Variants in CNGA1 observed in about 807,000 individuals in gnomAD.
The protein encoded by CNGA1 is cyclic nucleotide-gated channel alpha-1.
A neutral mutation model predicts 69.7 loss-of-function variants in CNGA1; 53 were observed. The observed-to-expected ratio is 0.76, with a 90% CI of 0.61 to 0.96. CNGA1 has a LOEUF of 0.96. Among genes scored for constraint, CNGA1 ranks in the 40% least tolerant of loss-of-function variants. The pLI, the probability that CNGA1 is intolerant of heterozygous loss-of-function variation, is 0.00. For missense variants in CNGA1, 739 were observed against 811.2 expected (o/e 0.91, Z 1.08); for synonymous variants, 249 against 283.5 (o/e 0.88, Z 1.22).
At chr4:47,946,140 A>G (rs112611723) in intron 6 of CNGA1, among the ~76,000 whole-genome samples, 6 of 152,290 alleles carry the variant, frequency 3.9e-5, no homozygotes, top group African/African-American at 1.4e-4. Context: ...GGAGAAAAAG[A>G]AATGCCATCC....
At chr4:47,985,011 G>A (rs1741922160) in intron 2 of CNGA1, among the ~76,000 whole-genome samples, 1 of 152,106 alleles carries the variant, frequency 6.6e-6, no homozygotes, top group Non-Finnish European at 1.5e-5. Flanking sequence ...GTAGTCCCAG[G>A]ACTGAGTTTG....
intron 2 of CNGA1, among the ~76,000 whole-genome samples, chr4:47,991,301 C>T (rs1045674581): frequency 3.3e-5 from 5 of 152,216 alleles, no homozygotes; most frequent in South Asian, 2.1e-4. Flanking sequence ...CCCTCTTCAC[C>T]GCATCCATGC....
intron 3 of CNGA1, among the ~76,000 whole-genome samples, chr4:47,970,625 C>T (rs573142447): frequency 1.3e-5 from 2 of 149,398 alleles, no homozygotes; most frequent in Admixed American, 1.4e-4. Context: ...GCATTCCAGC[C>T]TGGGCAACAA....
Position 48,012,558 on chromosome 4 carries a change from C to CTTTTT in CNGA1, c.-222-1670_-222-1666dup, listed in dbSNP as rs528643370. 3.3e-3 allele frequency among the ~76,000 whole-genome samples: 215 copies of CTTTTT among 64,988 alleles called. 6 individuals carry two copies. The highest frequency in any genetic ancestry group is 4.6e-3 in the African/African-American group (70 of 15,102). 42.6% of individuals were successfully genotyped at this position (64,988 alleles called of 152,430 possible). A position where few individuals can be genotyped will look rare whatever the true frequency, so the allele number is the denominator to read the frequency against. The stretch of plus-strand genomic sequence containing the variant: ...GCCATTTTCCTCCCCACCACACCAT[C>CTTTTT]TTTTTTTTTTTTTTTTTTTTTTTTT... On this transcript the variant is annotated intron_variant, in intron 1 of 10. Coordinates refer to ENST00000514170, the MANE Select transcript of CNGA1 (RefSeq NM_001379270.1).
At chr4:47,955,391 CA>C (rs2110167064) in intron 3 of CNGA1, among the ~76,000 whole-genome samples, 1 of 152,200 alleles carries the variant, frequency 6.6e-6, no homozygotes, top group South Asian at 2.1e-4. Flanking sequence ...CCATGTTGGT[CA>C]GGCTGGTCTC....
In CNGA1 at chr4:47,942,093, G is replaced by C. The variant is rs746399774; in HGVS notation, c.493C>G (p.Leu165Val). Reference sequence around the variant, plus strand: ...ATAACAGGTAATGTGATGCAAAACAGCCAGTTGTAATATGTGTTTCCCGAG... The same window carrying C: ...ATAACAGGTAATGTGATGCAAAACACCCAGTTGTAATATGTGTTTCCCGAG... The part of the protein sequence containing the change: ...DPSGNTYYNW[L>V]FCITLPVMYN... Residue 165 changes from leucine to valine, a missense_variant, in exon 9 of 11, where the codon CTG becomes GTG. Coordinates refer to ENST00000514170, the MANE Select transcript of CNGA1 (RefSeq NM_001379270.1). 2 of 1,613,662 alleles carry C rather than the reference G, an allele frequency of 1.2e-6. No homozygotes were observed. Among genetic ancestry groups the C allele is most frequent in the South Asian group, 2.2e-5 (2 of 91,068 alleles).
At chr4:47,997,059 G>GA (rs948673530) in intron 2 of CNGA1, among the ~76,000 whole-genome samples, 36 of 151,494 alleles carry the variant, frequency 2.4e-4, no homozygotes, top group African/African-American at 7.5e-4. Context: ...GATTCTGTCT[G>GA]AAAAAAAACA....
intron 1 of CNGA1, among the ~76,000 whole-genome samples, chr4:48,013,850 C>T (rs370375341): frequency 7.2e-5 from 11 of 152,256 alleles, no homozygotes; most frequent in African/African-American, 2.6e-4. Flanking sequence ...CAGCTACCAC[C>T]CCTCTTGTCT....
At chr4:47,948,716 C>T (rs185543619) in intron 6 of CNGA1, among the ~76,000 whole-genome samples, 2 of 152,174 alleles carry the variant, frequency 1.3e-5, no homozygotes, top group Non-Finnish European at 2.9e-5. Context: ...GATGTATTTG[C>T]ACCTAGGTGG....
intron 3 of CNGA1, among the ~76,000 whole-genome samples, chr4:47,980,740 C>G (rs1560303560): frequency 1.3e-5 from 2 of 152,138 alleles, no homozygotes; most frequent in Non-Finnish European, 2.9e-5. Context: ...TCCCAGAGTG[C>G]TGGGATTACA....
Position 47,951,448 on chromosome 4 carries a change from G to T in CNGA1, c.129C>A (p.Asp43Glu). Reference protein sequence around the residue: ...GACSSFSEDDDSASTSEESEN... With the variant: ...GACSSFSEDDESASTSEESEN... ...CTGATTCTTCAGATGTAGAGGCACTGTCATCATCCTCAGAAAAGGAGCTAC... is the reference window on the plus strand; with the variant it reads ...CTGATTCTTCAGATGTAGAGGCACTTTCATCATCCTCAGAAAAGGAGCTAC... The change falls in exon 5 of 11, where the codon GAC becomes GAA. Residue 43 changes from aspartate to glutamate, a missense_variant. Coordinates refer to ENST00000514170, the MANE Select transcript of CNGA1 (RefSeq NM_001379270.1). 1 of 1,612,804 alleles carries T rather than the reference G, an allele frequency of 6.2e-7. No individual in the cohort carries two copies. Among genetic ancestry groups the T allele is most frequent in the Non-Finnish European group, 8.5e-7 (1 of 1,178,900 alleles).
intron 3 of CNGA1, among the ~76,000 whole-genome samples, chr4:47,979,716 C>A (rs1015947640): frequency 6.6e-6 from 1 of 152,108 alleles, no homozygotes; most frequent in East Asian, 1.9e-4. Context: ...GATTTGTAGT[C>A]AACTTAACTC....
chr4:47,986,993 T>C (rs954817653), intron 2 of CNGA1, among the ~76,000 whole-genome samples: 1 of 152,130 alleles, frequency 6.6e-6, no homozygotes, highest in African/African-American at 2.4e-5. Flanking sequence ...TGTTGTGTTG[T>C]GTTGTGTTGA....
intron 5 of CNGA1, among the ~76,000 whole-genome samples, chr4:47,950,761 G>A (rs563815228): frequency 6.6e-6 from 1 of 152,142 alleles, no homozygotes; most frequent in Admixed American, 6.6e-5. Context: ...TCTCAAGTCC[G>A]GTATCTGAAG....
chr4:48,005,863 T>C (rs1431129690), intron 2 of CNGA1, among the ~76,000 whole-genome samples: 1 of 152,250 alleles, frequency 6.6e-6, no homozygotes, highest in Non-Finnish European at 1.5e-5. Context: ...CAGATTCTTA[T>C]TGCATTTATG....
intron 6 of CNGA1, among the ~76,000 whole-genome samples, chr4:47,943,842 C>G (rs1003908132): frequency 1.3e-5 from 2 of 152,144 alleles, no homozygotes; most frequent in African/African-American, 4.8e-5. Flanking sequence ...AGGGGATAAC[C>G]CTGACTGAAG....
chr4:47,939,251 A>T (rs1001528546), intron 10 of CNGA1, among the ~76,000 whole-genome samples: 1 of 152,150 alleles, frequency 6.6e-6, no homozygotes, highest in African/African-American at 2.4e-5. Context: ...CCTCCATGAT[A>T]AAACCTCTAT....
rs146497372 is a variant in CNGA1 at position 47,994,942 on chromosome 4, G to A, written c.-122-13442C>T. The stretch of plus-strand genomic sequence containing the variant: ...TATCTTTCCTTCATATATGAAGCTT[G>A]GCTTCACTGGATACACAATTGTTGG... On this transcript the variant is annotated intron_variant, in intron 2 of 10. Coordinates refer to ENST00000514170, the MANE Select transcript of CNGA1 (RefSeq NM_001379270.1). Among the ~76,000 whole-genome samples, 976 of 152,086 alleles carry A rather than the reference G, an allele frequency of 6.4e-3. 11 individuals are homozygous for A. Among genetic ancestry groups the A allele is most frequent in the African/African-American group, 0.022 (923 of 41,512 alleles).
chr4:47,958,707 A>G (rs114121362), intron 3 of CNGA1, among the ~76,000 whole-genome samples: 4 of 151,760 alleles, frequency 2.6e-5, no homozygotes, highest in Admixed American at 6.6e-5. Flanking sequence ...CTGTGCGTCT[A>G]CCTCTCTACA....
Sources: gnomAD v4.1 joint callset for allele counts (sites outside exome capture counted in the v4.1 genomes callset) on GRCh38, gnomAD v4.1.1 for gene constraint, MANE v1.5 for transcripts, NCBI Gene and HGNC (gene_info 2026-07-23, HGNC 2026-07-21) for gene names.